Variants in ZIC5 observed in about 807,000 individuals in gnomAD.
The protein encoded by ZIC5 is Zic family zinc finger 5.
ZIC5 carries 20 observed loss-of-function variants against 28.5 expected under a neutral mutation model. The observed-to-expected ratio is 0.70, with a 90% CI of 0.49 to 1.02. ZIC5 has a LOEUF of 1.02. ZIC5 is among the 50% of genes least tolerant of loss of function. The pLI, the probability that ZIC5 is intolerant of heterozygous loss-of-function variation, is 0.00. For missense variants in ZIC5, 951 were observed against 899.7 expected (o/e 1.06, Z -0.73); for synonymous variants, 488 against 410.4 (o/e 1.19, Z -2.29).
chr13:99,965,320 G>A lies in ZIC5; in HGVS notation c.*57C>T. 1.3e-6 allele frequency: 2 copies of A among 1,520,696 alleles called. No homozygotes were observed. The highest frequency in any genetic ancestry group is 2.5e-5 in the East Asian group (1 of 40,768). The allele number at this position is 1,520,696 out of a possible 1,614,324, so 94.2% of individuals were successfully genotyped here. On this transcript the variant is annotated 3_prime_UTR_variant, in exon 2 of 2. Coordinates refer to ENST00000267294, the MANE Select transcript of ZIC5 (RefSeq NM_033132.5). ...TCAGGCTCGGCATTGTCTCAGGTTAGGATGTGGTCCAAGGACTCCCACTTA... is the reference window on the plus strand; with the variant it reads ...TCAGGCTCGGCATTGTCTCAGGTTAAGATGTGGTCCAAGGACTCCCACTTA...
intron 1 of ZIC5, 77 bp downstream of exon 1, chr13:99,970,050 G>T: frequency 6.3e-7 from 1 of 1,593,202 alleles, no homozygotes. Flanking sequence ...GGAGGAGGAG[G>T]AGAAGCAGCG....
At chr13:99,968,005 T>C (rs1032415334) in intron 1 of ZIC5, among the ~76,000 whole-genome samples, 57 of 152,338 alleles carry the variant, frequency 3.7e-4, no homozygotes, top group African/African-American at 1.3e-3. Context: ...CGCCAGCTCC[T>C]AGCAGCTCCC....
At chr13:99,965,983 T>C (rs1257054032) in intron 1 of ZIC5, among the ~76,000 whole-genome samples, 164 bp from the exon 2 acceptor site, 2 of 152,214 alleles carry the variant, frequency 1.3e-5, no homozygotes, top group East Asian at 3.9e-4. Context: ...GCTTCAGGGA[T>C]GGGCCTGGAT....
intron 1 of ZIC5, 74 bp from the exon 2 acceptor site, chr13:99,965,893 C>T: frequency 6.7e-7 from 1 of 1,482,946 alleles, no homozygotes; most frequent in Admixed American, 2.0e-5. Flanking sequence ...TGAAGCAGAA[C>T]CAAGGTTGTG....
chr13:99,971,506 G>A lies in ZIC5; in HGVS notation c.98C>T (p.Pro33Leu), dbSNP rs913816048. 1.3e-6 allele frequency: 2 copies of A among 1,551,328 alleles called. No individual in the cohort carries two copies. The highest frequency in any genetic ancestry group is 3.9e-5 in the Admixed American group (2 of 51,048). Reference sequence around the variant, plus strand: ...GTGGGCGGGCGGGCCGGCCAGCGCCGGGAAGCCTGTCATATTCTGAAGCGG... The same window carrying A: ...GTGGGCGGGCGGGCCGGCCAGCGCCAGGAAGCCTGTCATATTCTGAAGCGG... ...VQPLQNMTGF[P>L]ALAGPPAHSQ... The change falls in exon 1 of 2, where the codon CCG becomes CTG. Residue 33 changes from proline (P) to leucine (L), a missense_variant. Around this residue, in one of 3 missense-constraint regions of ZIC5, gnomAD observed 784 missense variants for 660.1 expected, o/e 1.19. Transcript: ENST00000267294.
Position 99,965,171 on chromosome 13 carries a change from A to G in ZIC5, c.*206T>C, listed in dbSNP as rs1043076345. 2.1e-4 allele frequency: 16 copies of G among 76,332 alleles called. No homozygotes were observed. Among genetic ancestry groups the G allele is most frequent in the Admixed American group, 5.8e-4 (2 of 3,446 alleles). 4.7% of individuals were successfully genotyped at this position (76,332 alleles called of 1,614,324 possible). A position where few individuals can be genotyped will look rare whatever the true frequency, so the allele number is the denominator to read the frequency against. ...GGTTGTTTTTTGTTTGTTTTTTAAGAAAAAAAAAAAAAAAAGCCCAAATAT... is the reference window on the plus strand; with the variant it reads ...GGTTGTTTTTTGTTTGTTTTTTAAGGAAAAAAAAAAAAAAAGCCCAAATAT... On this transcript the variant is annotated 3_prime_UTR_variant, in exon 2 of 2. Coordinates refer to ENST00000267294, the MANE Select transcript of ZIC5 (RefSeq NM_033132.5).
chr13:99,966,564 G>C (rs1346690599), intron 1 of ZIC5, among the ~76,000 whole-genome samples: 3 of 152,212 alleles, frequency 2.0e-5, no homozygotes, highest in Admixed American at 6.5e-5. Flanking sequence ...GCAGTTAAGA[G>C]CACAGCAGAT....
chr13:99,965,899 T>C (rs1292288231), intron 1 of ZIC5, 80 bp from the exon 2 acceptor site: 2 of 1,462,396 alleles, frequency 1.4e-6, no homozygotes, highest in Non-Finnish European at 1.8e-6. Flanking sequence ...AGAACCAAGG[T>C]TGTGTTTTTC....
rs1322921470 is a variant in ZIC5, at chr13:99,970,819, G to A, written c.785C>T (p.Ala262Val). 3 of 1,216,650 alleles carry A rather than the reference G, an allele frequency of 2.5e-6. No individual in the cohort carries two copies. The highest frequency in any genetic ancestry group is 3.1e-6 in the Non-Finnish European group (3 of 982,600). 75.4% of individuals were successfully genotyped at this position (1,216,650 alleles called of 1,614,324 possible). The change falls in exon 1 of 2, where the codon GCG becomes GTG. Residue 262 changes from alanine (A) to valine (V), a missense_variant. Physicochemically the swap from Ala to Val is moderately conservative, Grantham distance 64. Coordinates refer to ENST00000267294, the MANE Select transcript of ZIC5 (RefSeq NM_033132.5). ...PLNGQMRLGL[A>V]AAAAAAAAEL... The stretch of plus-strand genomic sequence containing the variant: ...AGCCGCCGCGGCTGCCGCTGCCGCC[G>A]CCAGCCCCAGGCGCATCTGGCCGTT...
Position 99,971,148 on chromosome 13 carries a change from C to G in ZIC5, c.456G>C (p.Ser152=), listed in dbSNP as rs2053153882. The change falls in exon 1 of 2, where the codon TCG becomes TCC. Residue 152 remains serine, a synonymous_variant. Transcript: ENST00000267294. ...PPPPPPPPAL[S]GYTTTNSGGG... ...CGCCACTGTTGGTGGTGGTGTAGCC[C>G]GAGAGGGCAGGAGGAGGAGGAGGCG... 13 of 1,317,546 alleles carry G rather than the reference C, an allele frequency of 9.9e-6. No individual in the cohort carries two copies. Among genetic ancestry groups the G allele is most frequent in the African/African-American group, 1.6e-5 (1 of 60,756 alleles). The allele number at this position is 1,317,546 out of a possible 1,614,324, so 81.6% of individuals were successfully genotyped here.
intron 1 of ZIC5, among the ~76,000 whole-genome samples, chr13:99,968,937 CG>C (rs1189660041): frequency 6.6e-6 from 1 of 152,198 alleles, no homozygotes; most frequent in Non-Finnish European, 1.5e-5. Context: ...GCCCCCGGCC[CG>C]AGCGTGGGAC....
Position 99,970,637 on chromosome 13 carries a change from G to A in ZIC5, c.967C>T (p.Pro323Ser), listed in dbSNP as rs965409885. The stretch of plus-strand genomic sequence containing the variant: ...GCGTGGTGCTGCAGGTGGGGCCCGG[G>A]CCCGGCCGCTGCTGCGGCCGCCGCA... ...AAAAAAAAAG[P>S]GPHLQHHAPP... The change falls in exon 1 of 2, where the codon CCC (proline) becomes TCC (serine). Residue 323 changes from proline (P) to serine (S), a missense_variant. Around this residue, in one of 3 missense-constraint regions of ZIC5, gnomAD observed 784 missense variants for 660.1 expected, o/e 1.19. Coordinates refer to ENST00000267294, the MANE Select transcript of ZIC5 (RefSeq NM_033132.5). The A allele has an allele frequency of 9.0e-7, 1 of 1,112,986 alleles. No individual in the cohort carries two copies. Among genetic ancestry groups the A allele is most frequent in the Admixed American group, 4.4e-5 (1 of 22,630 alleles). 68.9% of individuals were successfully genotyped at this position (1,112,986 alleles called of 1,614,324 possible).
chr13:99,970,726 G>A lies in ZIC5; in HGVS notation c.878C>T (p.Ala293Val). The A allele has an allele frequency of 8.4e-7, 1 of 1,196,062 alleles. No homozygotes were observed. The highest frequency in any genetic ancestry group is 2.3e-5 in the South Asian group (1 of 43,104). The allele number at this position is 1,196,062 out of a possible 1,614,324, so 74.1% of individuals were successfully genotyped here. ...RSGDAHYGAV[A>V]AAAAAALHGY... Reference sequence around the variant, plus strand: ...GTGCAGGGCGGCCGCCGCTGCGGCCGCAACCGCCCCGTAGTGCGCGTCCCC... The same window carrying A: ...GTGCAGGGCGGCCGCCGCTGCGGCCACAACCGCCCCGTAGTGCGCGTCCCC... The change falls in exon 1 of 2, where the codon GCG becomes GTG. Residue 293 changes from alanine (A) to valine (V), a missense_variant. Transcript: ENST00000267294.
chr13:99,970,673 T>G lies in ZIC5; in HGVS notation c.931A>C (p.Asn311His). The change falls in exon 1 of 2, where the codon AAC (asparagine) becomes CAC (histidine). Residue 311 changes from asparagine to histidine, a missense_variant. Asn to His is a moderately conservative substitution (Grantham distance 68, BLOSUM62 1). Around this residue, in one of 3 missense-constraint regions of ZIC5, gnomAD observed 784 missense variants for 660.1 expected, o/e 1.19. Coordinates refer to ENST00000267294, the MANE Select transcript of ZIC5 (RefSeq NM_033132.5). ...GCTGCGGCCGCCGCAGCCGCCAGGTTCAGGTTTAAGTTCACGGCTCCGTAG... is the reference window on the plus strand; with the variant it reads ...GCTGCGGCCGCCGCAGCCGCCAGGTGCAGGTTTAAGTTCACGGCTCCGTAG... ...HGYGAVNLNL[N>H]LAAAAAAAAA... The G allele has an allele frequency of 8.4e-7, 1 of 1,183,860 alleles. No individual in the cohort carries two copies. Among genetic ancestry groups the G allele is most frequent in the Non-Finnish European group, 1.1e-6 (1 of 948,088 alleles). 73.3% of individuals were successfully genotyped at this position (1,183,860 alleles called of 1,614,324 possible). A position where few individuals can be genotyped will look rare whatever the true frequency, so the allele number is the denominator to read the frequency against.
intron 1 of ZIC5, among the ~76,000 whole-genome samples, chr13:99,969,087 G>C (rs2053124620): frequency 6.6e-6 from 1 of 152,246 alleles, no homozygotes; most frequent in Non-Finnish European, 1.5e-5. Flanking sequence ...GCGCTCATCA[G>C]CGCTTCCGCC....
Position 99,971,567 on chromosome 13 carries a change from G to T in ZIC5, c.37C>A (p.Leu13Met), listed in dbSNP as rs375368003. The change falls in exon 1 of 2, where the codon CTG becomes ATG. Residue 13 changes from leucine to methionine, a missense_variant. Around this residue, in one of 3 missense-constraint regions of ZIC5, gnomAD observed 784 missense variants for 660.1 expected, o/e 1.19. Coordinates refer to ENST00000267294, the MANE Select transcript of ZIC5 (RefSeq NM_033132.5). ...PPLSKRNPPA[L>M]RLADLATAQV... ...GCCGTTGCCAAATCCGCTAATCTCA[G>T]CGCTGGCGGGTTCCTCTTGCTCAAA... The T allele has an allele frequency of 1.1e-5, 17 of 1,553,254 alleles. No individual in the cohort carries two copies. The African/African-American group carries it at 1.9e-4, about 17-fold the overall frequency.
intron 1 of ZIC5, among the ~76,000 whole-genome samples, chr13:99,967,202 G>A (rs937926223): frequency 2.0e-5 from 3 of 152,098 alleles, no homozygotes; most frequent in African/African-American, 7.2e-5. Context: ...AAAATATTTC[G>A]CCAACGATAA....
intron 1 of ZIC5, among the ~76,000 whole-genome samples, chr13:99,966,215 C>T (rs925588950): frequency 5.3e-5 from 8 of 152,170 alleles, no homozygotes; most frequent in Non-Finnish European, 1.0e-4. Flanking sequence ...TCAAAATAAA[C>T]ACAAAATGAT....
intron 1 of ZIC5, 38 bp from the exon 2 acceptor site, chr13:99,965,857 C>T (rs956833400): frequency 1.3e-6 from 2 of 1,571,970 alleles, no homozygotes; most frequent in African/African-American, 2.7e-5. Context: ...AATGGCTTTC[C>T]AAGACCCCTC....
Sources: gnomAD v4.1 joint callset for allele counts (sites outside exome capture counted in the v4.1 genomes callset) on GRCh38, gnomAD v4.1.1 for gene constraint, gnomAD v4.1.1 regional missense constraint, MANE v1.5 for transcripts, NCBI Gene and HGNC (gene_info 2026-07-23, HGNC 2026-07-21) for gene names.